Variants in CCSER1 observed in about 807,000 individuals in gnomAD.
CCSER1 encodes serine-rich coiled-coil domain-containing protein 1.
Under a neutral mutation model 82.0 loss-of-function variants are expected in CCSER1, and 41 were observed. The ratio of observed to expected loss-of-function variants is 0.50; its 90% CI spans 0.39 to 0.65. The LOEUF (loss-of-function observed/expected upper bound fraction) is 0.65, where lower values mean the gene tolerates loss of function less well. CCSER1 is among the 30% of genes least tolerant of loss of function. The pLI is 0.00. For missense variants in CCSER1, 1,119 were observed against 1,064.2 expected (o/e 1.05, Z -0.72); for synonymous variants, 414 against 383.9 (o/e 1.08, Z -0.92).
At chr4:90,178,231 A>G (rs979702790) in intron 1 of CCSER1, among the ~76,000 whole-genome samples, 3 of 152,130 alleles carry the variant, frequency 2.0e-5, no homozygotes, top group African/African-American at 7.2e-5. Context: ...TAAACAAAGT[A>G]TTCCTAGGAT....
intron 10 of CCSER1, chr4:91,112,535 T>G (rs1726181178): frequency 6.6e-6 from 1 of 152,194 alleles, no homozygotes; most frequent in South Asian, 2.1e-4. Flanking sequence ...CTTAGTTTTC[T>G]ATTTCATTTA....
chr4:91,247,904 A>G (rs895885091), intron 10 of CCSER1, among the ~76,000 whole-genome samples: 1 of 151,830 alleles, frequency 6.6e-6, no homozygotes, highest in Non-Finnish European at 1.5e-5. Flanking sequence ...CAATAACAAC[A>G]AAAAACACGA....
In CCSER1 at chr4:90,397,432, G is replaced by A. The variant is rs550796439; in HGVS notation, c.1510-2604G>A. On this transcript the variant is annotated intron_variant, in intron 3 of 10. Transcript: ENST00000509176. ...CAAATTGTGGGTGAATGTATTAACT[G>A]TCAGAATTCAAAAAAGGATTGAACA... 8.5e-5 allele frequency among the ~76,000 whole-genome samples: 13 copies of A among 152,238 alleles called. No individual in the cohort carries two copies. In the South Asian group the frequency reaches 2.7e-3, roughly 32 times the overall value.
At chr4:91,349,056 C>CT (rs1443052763) in intron 10 of CCSER1, among the ~76,000 whole-genome samples, 1 of 151,946 alleles carries the variant, frequency 6.6e-6, no homozygotes, top group African/African-American at 2.4e-5. Context: ...CTACAGGCAC[C>CT]GCCACCGTGC....
chr4:91,152,376 A>T (rs1043943330), intron 10 of CCSER1, among the ~76,000 whole-genome samples: 2 of 152,156 alleles, frequency 1.3e-5, no homozygotes, highest in Non-Finnish European at 2.9e-5. Context: ...GTCTCTGCAC[A>T]TGAGATAGGT....
At chr4:90,922,357 T>C (rs1354921102) in intron 8 of CCSER1, among the ~76,000 whole-genome samples, 1 of 151,880 alleles carries the variant, frequency 6.6e-6, no homozygotes, top group Non-Finnish European at 1.5e-5. Flanking sequence ...TGGAAGAGTT[T>C]TGTGTAACTG....
At chr4:91,396,868 G>A (rs916974850) in intron 10 of CCSER1, among the ~76,000 whole-genome samples, 6 of 151,944 alleles carry the variant, frequency 3.9e-5, no homozygotes, top group African/African-American at 1.4e-4. Context: ...ACAAGTTAAA[G>A]CCTGATAAGA....
chr4:91,081,154 C>T (rs1722683333), intron 9 of CCSER1, among the ~76,000 whole-genome samples: 1 of 152,134 alleles, frequency 6.6e-6, no homozygotes, highest in Non-Finnish European at 1.5e-5. Context: ...ATGCAAAAAT[C>T]CTCAATAACA....
chr4:91,197,482 G>A (rs1021299537), intron 10 of CCSER1, among the ~76,000 whole-genome samples: 1 of 152,132 alleles, frequency 6.6e-6, no homozygotes, highest in Non-Finnish European at 1.5e-5. Flanking sequence ...TGTAGCTCGT[G>A]TGCCTGAGAA....
chr4:90,321,186 G>A (rs1737090680), intron 3 of CCSER1, among the ~76,000 whole-genome samples: 1 of 151,492 alleles, frequency 6.6e-6, no homozygotes, highest in Non-Finnish European at 1.5e-5. Context: ...CTATATTTTT[G>A]CATACATTAA....
chr4:90,453,429 C>T (rs1316215147), intron 4 of CCSER1, among the ~76,000 whole-genome samples: 1 of 152,124 alleles, frequency 6.6e-6, no homozygotes, highest in Non-Finnish European at 1.5e-5. Flanking sequence ...GGCCCTGAAT[C>T]TTCAGGTTAT....
chr4:90,402,426 A>G (rs576760813), intron 4 of CCSER1, among the ~76,000 whole-genome samples: 42 of 152,300 alleles, frequency 2.8e-4, no homozygotes, highest in African/African-American at 9.6e-4. Flanking sequence ...AAAACTTTTT[A>G]TAGAGATAAA....
intron 5 of CCSER1, among the ~76,000 whole-genome samples, chr4:90,606,765 TA>T (rs1784771789): frequency 6.6e-6 from 1 of 152,188 alleles, no homozygotes. Context: ...ATCAGTGGTA[TA>T]TATACTGTTC....
intron 10 of CCSER1, among the ~76,000 whole-genome samples, chr4:91,326,276 C>CAG (rs1746553024): frequency 6.6e-6 from 1 of 152,068 alleles, no homozygotes; most frequent in Non-Finnish European, 1.5e-5. Flanking sequence ...GCAGGCTGTA[C>CAG]AGAAAGCATG....
chr4:90,546,646 ATGAG>A (rs1220489202), intron 5 of CCSER1, among the ~76,000 whole-genome samples: 9 of 152,124 alleles, frequency 5.9e-5, no homozygotes, highest in African/African-American at 2.2e-4. Flanking sequence ...AACTCAGAAA[ATGAG>A]TGACTTTTAA....
intron 7 of CCSER1, among the ~76,000 whole-genome samples, chr4:90,793,683 C>G (rs1755587738): frequency 6.6e-6 from 1 of 152,030 alleles, no homozygotes; most frequent in African/African-American, 2.4e-5. Flanking sequence ...GAATATATAC[C>G]CAGGAATGGG....
chr4:91,363,741 A>G (rs148110903), intron 10 of CCSER1, among the ~76,000 whole-genome samples: 1 of 151,862 alleles, frequency 6.6e-6, no homozygotes, highest in African/African-American at 2.4e-5. Context: ...ATTAATTTAG[A>G]TATGTGTACC....
chr4:90,372,447 A>T (rs1178070551), intron 3 of CCSER1, among the ~76,000 whole-genome samples: 1 of 152,148 alleles, frequency 6.6e-6, no homozygotes, highest in Non-Finnish European at 1.5e-5. Flanking sequence ...GATGTTTAGT[A>T]GATCATTTTT....
intron 8 of CCSER1, among the ~76,000 whole-genome samples, chr4:90,891,964 A>C (rs968644752): frequency 1.3e-5 from 2 of 152,072 alleles, no homozygotes; most frequent in African/African-American, 2.4e-5. Flanking sequence ...TGCTAAACCA[A>C]CTTCATTCTT....
Sources: gnomAD v4.1 joint callset for allele counts (sites outside exome capture counted in the v4.1 genomes callset) on GRCh38, gnomAD v4.1.1 for gene constraint, MANE v1.5 for transcripts, NCBI Gene and HGNC (gene_info 2026-07-23, HGNC 2026-07-21) for gene names.